IQSEC2: variants seen among roughly 807,000 people sequenced by gnomAD.
IQSEC2 encodes the protein IQ motif and Sec7 domain ArfGEF 2, also known as IQ motif and SEC7 domain-containing protein 2.
IQSEC2 carries 6 observed loss-of-function variants against 74.6 expected under a neutral mutation model. The ratio of observed to expected loss-of-function variants is 0.08; its 90% CI spans 0.04 to 0.16. The LOEUF (loss-of-function observed/expected upper bound fraction) is 0.16. Among genes scored for constraint, IQSEC2 ranks in the 10% least tolerant of loss-of-function variants. The pLI, the probability that IQSEC2 is intolerant of heterozygous loss-of-function variation, is 1.00. For missense variants in IQSEC2, 734 were observed against 1,306.2 expected (o/e 0.56, Z 6.75); for synonymous variants, 494 against 544.5 (o/e 0.91, Z 1.29).
intron 1 of IQSEC2, among the ~76,000 whole-genome samples, chrX:53,310,370 A>G (rs1376699344): frequency 6.5e-5 from 7 of 107,220 alleles, no homozygotes; most frequent in Non-Finnish European, 1.4e-4. Flanking sequence ...GCTGATAGAA[A>G]GAGACCCTGT....
intron 2 of IQSEC2, among the ~76,000 whole-genome samples, chrX:53,264,031 T>C (rs1277841788): frequency 8.9e-6 from 1 of 112,200 alleles, no homozygotes; most frequent in Admixed American, 9.4e-5. Context: ...GCCTGACAAC[T>C]GTCACCCTAA....
chrX:53,300,602 T>G (rs1556875275), intron 1 of IQSEC2, among the ~76,000 whole-genome samples: 1 of 111,700 alleles, frequency 9.0e-6, no homozygotes, highest in East Asian at 2.8e-4. Context: ...GGAGTAAATA[T>G]GTGGTGACGA....
Position 53,250,340 on chromosome X carries a change from C to T in IQSEC2, c.2236G>A (p.Ala746Thr), listed in dbSNP as rs369615349. 1 of 1,210,207 alleles carries T rather than the reference C, an allele frequency of 8.3e-7. No homozygotes were observed. Among genetic ancestry groups the T allele is most frequent in the African/African-American group, 1.7e-5 (1 of 57,265 alleles). Residue 746 changes from alanine to threonine, a missense_variant, in exon 5 of 15, where the codon GCT (alanine) becomes ACT (threonine). Physicochemically the swap from Ala to Thr is moderately conservative, Grantham distance 58. Transcript: ENST00000642864. ...RETRHSWDSPAFNNDVVQRRH... is the reference protein window; with the variant it reads ...RETRHSWDSPTFNNDVVQRRH... ...CTCTGGACCACATCATTGTTGAAAG[C>T]TGGCGAGTCCCAGCTATGCCTTGTC...
At chrX:53,264,898 G>T (rs191320848) in intron 2 of IQSEC2, among the ~76,000 whole-genome samples, 1 of 102,236 alleles carries the variant, frequency 9.8e-6, no homozygotes, top group Non-Finnish European at 2.0e-5. Context: ...TGGAGAGCTC[G>T]CAGAGGACAC....
intron 7 of IQSEC2, among the ~76,000 whole-genome samples, chrX:53,247,450 T>C (rs1602278257): frequency 8.9e-6 from 1 of 112,027 alleles, no homozygotes; most frequent in Admixed American, 9.5e-5. Context: ...CCCAAGGTAA[T>C]AGAGCTGGTA....
chrX:53,277,732 A>G (rs947666231), intron 2 of IQSEC2, among the ~76,000 whole-genome samples: 9 of 104,606 alleles, frequency 8.6e-5, no homozygotes, highest in East Asian at 3.1e-4. Context: ...GTGCAGTGGT[A>G]CGATCTTGGC....
At chrX:53,266,671 A>C in intron 2 of IQSEC2, 7 of 858,509 alleles carry the variant, frequency 8.2e-6, no homozygotes, top group East Asian at 8.6e-5. Flanking sequence ...GAGTGCGGGT[A>C]CGGGAGGATC....
At chrX:53,277,212 T>A (rs1252526494) in intron 2 of IQSEC2, among the ~76,000 whole-genome samples, 2 of 108,390 alleles carry the variant, frequency 1.8e-5, no homozygotes, top group African/African-American at 6.9e-5. Flanking sequence ...ACTTTGACCG[T>A]CTTTTCTTTT....
intron 12 of IQSEC2, 187 bp downstream of exon 12, chrX:53,237,958 G>T (rs2074160447): frequency 2.0e-6 from 1 of 488,476 alleles, no homozygotes; most frequent in Admixed American, 2.9e-5. Context: ...GATAATAATG[G>T]GGTTGGGAGG....
At chrX:53,306,942 G>A (rs191610728) in intron 1 of IQSEC2, among the ~76,000 whole-genome samples, 8 of 111,092 alleles carry the variant, frequency 7.2e-5, no homozygotes, top group Admixed American at 2.9e-4. Flanking sequence ...GAGGAACCAC[G>A]GCACTGGACA....
intron 1 of IQSEC2, among the ~76,000 whole-genome samples, chrX:53,299,743 C>T (rs2075191162): frequency 9.0e-6 from 1 of 110,635 alleles, no homozygotes; most frequent in South Asian, 3.8e-4. Flanking sequence ...TGGGGAAGGA[C>T]CAAAAAGACA....
intron 1 of IQSEC2, among the ~76,000 whole-genome samples, chrX:53,316,461 C>T (rs1427580935): frequency 1.8e-5 from 2 of 111,097 alleles, no homozygotes; most frequent in African/African-American, 6.5e-5. Context: ...GTGGCCTTAG[C>T]CCCTGCGGGG....
intron 1 of IQSEC2, among the ~76,000 whole-genome samples, chrX:53,304,935 T>C (rs1346432842): frequency 8.9e-6 from 1 of 111,832 alleles, no homozygotes; most frequent in Non-Finnish European, 1.9e-5. Flanking sequence ...TTTTTATTTT[T>C]TGAGACAGAG....
At chrX:53,297,533 C>T (rs1033100446) in intron 1 of IQSEC2, among the ~76,000 whole-genome samples, 3 of 110,305 alleles carry the variant, frequency 2.7e-5, no homozygotes, top group Non-Finnish European at 5.7e-5. Flanking sequence ...CGCCATGTTG[C>T]CCAGACTGGT....
chrX:53,271,648 C>T (rs782451313), intron 2 of IQSEC2, among the ~76,000 whole-genome samples: 40 of 111,988 alleles, frequency 3.6e-4, no homozygotes, highest in Non-Finnish European at 2.4e-4. Flanking sequence ...CGTGCAACAC[C>T]GTAGCCCTGC....
intron 1 of IQSEC2, among the ~76,000 whole-genome samples, chrX:53,303,890 G>T (rs1385014926): frequency 9.0e-6 from 1 of 110,507 alleles, no homozygotes; most frequent in African/African-American, 3.3e-5. Context: ...CAGCATTTTG[G>T]GAGGCTGAGG....
chrX:53,312,660 C>T (rs1394242117), intron 1 of IQSEC2, among the ~76,000 whole-genome samples: 2 of 112,276 alleles, frequency 1.8e-5, no homozygotes, highest in Non-Finnish European at 3.8e-5. Context: ...ATTTAATTTT[C>T]ACAACCATCA....
chrX:53,320,763 C>T lies in IQSEC2; in HGVS notation c.361G>A (p.Gly121Ser), dbSNP rs1556880202. Residue 121 changes from glycine to serine, a missense_variant, in exon 1 of 15, where the codon GGC becomes AGC. By Grantham distance (56) the Gly-to-Ser change is moderately conservative. Transcript: ENST00000642864. ...ARDVGYPNRE[G>S]AYQNREAVYR... ...ACAGCCTCCCGATTCTGGTAGGCGC[C>T]TTCCCGGTTCGGGTAGCCCACGTCC... 1 of 1,167,489 alleles carries T rather than the reference C, an allele frequency of 8.6e-7. No homozygotes were observed.
rs782238542 is a variant in IQSEC2 at position 53,238,338 on chromosome X, T to C, written c.3116-32A>G. 113 of 1,186,245 alleles carry C rather than the reference T, an allele frequency of 9.5e-5. No homozygotes were observed. In the Admixed American group the frequency reaches 2.4e-3, roughly 25 times the overall value. ...AGAAAGGGGAGACTGGGCACCTCTG[T>C]TGGGACTGGTGCAAGGTGGCTCATA... On this transcript the variant is annotated intron_variant, in intron 11 of 14. Coordinates refer to ENST00000642864, the MANE Select transcript of IQSEC2 (RefSeq NM_001111125.3).
Sources: allele counts gnomAD v4.1 joint callset (sites outside exome capture counted in the v4.1 genomes callset), GRCh38; gene constraint gnomAD v4.1.1; transcripts MANE v1.5; gene names NCBI Gene and HGNC (gene_info 2026-07-23, HGNC 2026-07-21).